The following ZNF423 variants were observed in gnomAD, a reference collection of about 807,000 sequenced individuals.
The protein encoded by ZNF423 is Ebf-associated zinc finger protein.
A neutral mutation model predicts 95.8 loss-of-function variants in ZNF423; 12 were observed. The ratio of observed to expected loss-of-function variants is 0.13; its 90% CI spans 0.08 to 0.20. ZNF423 has a LOEUF of 0.20. ZNF423 is among the 10% of genes least tolerant of loss of function. The probability of loss-of-function intolerance (pLI) is 1.00; values close to 1 mark genes in which losing one functional copy is unlikely to be tolerated. For synonymous variants in ZNF423, 749 were observed against 711.9 expected (o/e 1.05, Z -0.83); for missense variants, 1,316 against 1,737.1 (o/e 0.76, Z 4.31).
chr16:49,661,122 G>A (rs1161059405), intron 3 of ZNF423, among the ~76,000 whole-genome samples: 1 of 150,750 alleles, frequency 6.6e-6, no homozygotes, highest in Non-Finnish European at 1.5e-5. Flanking sequence ...TCAGGAGGCT[G>A]AAGCAGAATT....
intron 3 of ZNF423, among the ~76,000 whole-genome samples, chr16:49,654,557 T>C (rs1596798939): frequency 6.6e-6 from 1 of 152,202 alleles, no homozygotes; most frequent in Non-Finnish European, 1.5e-5. Context: ...GGAATGGAAA[T>C]GCACAGATGA....
intron 3 of ZNF423, among the ~76,000 whole-genome samples, chr16:49,702,810 C>G (rs2032227263): frequency 6.6e-6 from 1 of 152,146 alleles, no homozygotes; most frequent in Non-Finnish European, 1.5e-5. Context: ...ACCCACAGCC[C>G]CACACGCTTC....
chr16:49,590,812 A>C (rs776056399), intron 5 of ZNF423, among the ~76,000 whole-genome samples: 13 of 152,056 alleles, frequency 8.5e-5, no homozygotes, highest in Non-Finnish European at 1.3e-4. Context: ...CTCACACCAC[A>C]ACCTGGGCTC....
At chr16:49,752,300 C>A (rs1191126159) in intron 2 of ZNF423, among the ~76,000 whole-genome samples, 1 of 152,254 alleles carries the variant, frequency 6.6e-6, no homozygotes, top group African/African-American at 2.4e-5. Flanking sequence ...GTGGCCCTCC[C>A]CCACCCCACA....
chr16:49,801,264 C>T (rs1382759004), intron 1 of ZNF423, among the ~76,000 whole-genome samples: 1 of 152,200 alleles, frequency 6.6e-6, no homozygotes, highest in African/African-American at 2.4e-5. Context: ...CACGTCCTTC[C>T]CCACCACCCT....
At chr16:49,810,325 C>T (rs563594229) in intron 1 of ZNF423, among the ~76,000 whole-genome samples, 2 of 152,308 alleles carry the variant, frequency 1.3e-5, no homozygotes, top group African/African-American at 4.8e-5. Flanking sequence ...CTGCTCCCTT[C>T]CAGGCAACCA....
At chr16:49,567,645 G>A (rs751896841) in intron 5 of ZNF423, among the ~76,000 whole-genome samples, 9 of 152,220 alleles carry the variant, frequency 5.9e-5, no homozygotes, top group Non-Finnish European at 1.2e-4. Context: ...AAAGAGCCCA[G>A]CCCCAGTAGG....
intron 2 of ZNF423, among the ~76,000 whole-genome samples, chr16:49,737,139 G>A (rs2033305894): frequency 6.6e-6 from 1 of 151,936 alleles, no homozygotes; most frequent in African/African-American, 2.4e-5. Context: ...CCATTCTGCA[G>A]GTAGGTGCAA....
intron 2 of ZNF423, among the ~76,000 whole-genome samples, chr16:49,750,395 G>T (rs545769975): frequency 2.0e-5 from 3 of 152,304 alleles, no homozygotes; most frequent in East Asian, 3.9e-4. Flanking sequence ...GATCCCAGGT[G>T]GGGGAAGTGG....
At chr16:49,813,341 A>C (rs2034784299) in intron 1 of ZNF423, among the ~76,000 whole-genome samples, 2 of 152,072 alleles carry the variant, frequency 1.3e-5, no homozygotes, top group Admixed American at 6.5e-5. Context: ...AGGACAGGCC[A>C]CCAGGAGAGC....
At chr16:49,802,063 G>C (rs927565514) in intron 1 of ZNF423, among the ~76,000 whole-genome samples, 3 of 152,056 alleles carry the variant, frequency 2.0e-5, no homozygotes, top group African/African-American at 7.2e-5. Context: ...GGCCAGGCTG[G>C]TCTTGAACTC....
At chr16:49,633,768 C>T (rs1377498764) in intron 4 of ZNF423, among the ~76,000 whole-genome samples, 1 of 152,152 alleles carries the variant, frequency 6.6e-6, no homozygotes, top group Non-Finnish European at 1.5e-5. Flanking sequence ...TGTTTAGAAC[C>T]CTGGCTCAGA....
At chr16:49,785,887 G>A (rs573344615) in intron 2 of ZNF423, among the ~76,000 whole-genome samples, 266 of 152,334 alleles carry the variant, frequency 1.7e-3, no homozygotes, top group African/African-American at 6.3e-3. Flanking sequence ...GTTGGCAGGA[G>A]AAGAAGAATG....
At chr16:49,632,515 G>A (rs1364445523) in intron 4 of ZNF423, among the ~76,000 whole-genome samples, 1 of 152,106 alleles carries the variant, frequency 6.6e-6, no homozygotes, top group Non-Finnish European at 1.5e-5. Flanking sequence ...GGCAGGCAGA[G>A]CCATGATTTT....
rs576194010 is a variant in ZNF423 at position 49,738,372 on chromosome 16, G to A, written c.101-7401C>T. Among the ~76,000 whole-genome samples, 10 of 152,284 alleles carry A rather than the reference G, an allele frequency of 6.6e-5. No homozygotes were observed. In the East Asian group the frequency reaches 7.7e-4, roughly 12 times the overall value. On this transcript the variant is annotated intron_variant, in intron 2 of 7. Transcript: ENST00000563137. ...GGGGCTGGTCGGGGACCCAGATTCC[G>A]GTCTTAGCTCCAGTACACCTCAGCC...
At chr16:49,736,084 T>A (rs942652230) in intron 2 of ZNF423, among the ~76,000 whole-genome samples, 7 of 152,030 alleles carry the variant, frequency 4.6e-5, no homozygotes, top group African/African-American at 1.5e-4. Flanking sequence ...CAGAGGGACA[T>A]ATAGTAGGGG....
chr16:49,843,845 C>G (rs2035216410), intron 1 of ZNF423, among the ~76,000 whole-genome samples: 1 of 152,048 alleles, frequency 6.6e-6, no homozygotes. Flanking sequence ...ACCCCCCCTC[C>G]AAAGATGAAG....
intron 1 of ZNF423, among the ~76,000 whole-genome samples, chr16:49,825,433 T>C (rs1331829026): frequency 6.6e-6 from 1 of 152,072 alleles, no homozygotes; most frequent in Non-Finnish European, 1.5e-5. Context: ...TTTCTCTCCA[T>C]ACATATATAT....
intron 3 of ZNF423, among the ~76,000 whole-genome samples, chr16:49,661,542 C>T (rs1022133847): frequency 2.0e-5 from 3 of 152,180 alleles, no homozygotes; most frequent in Middle Eastern, 3.2e-3. Context: ...GTCGGTGTCA[C>T]CTCCTTCCCA....
Sources: allele counts gnomAD v4.1 joint callset (sites outside exome capture counted in the v4.1 genomes callset), GRCh38; gene constraint gnomAD v4.1.1; transcripts MANE v1.5; gene names NCBI Gene and HGNC (gene_info 2026-07-23, HGNC 2026-07-21).